HECW2: variants seen among roughly 807,000 people sequenced by gnomAD.
HECW2 encodes HECT, C2 and WW domain containing E3 ubiquitin protein ligase 2.
HECW2 carries 61 observed loss-of-function variants against 175.2 expected under a neutral mutation model. The ratio of observed to expected loss-of-function variants is 0.35; its 90% CI spans 0.28 to 0.43. The LOEUF is 0.43. Among genes scored for constraint, HECW2 ranks in the 20% least tolerant of loss-of-function variants. HECW2 has a pLI of 1.00. For synonymous variants in HECW2, 671 were observed against 731.0 expected (o/e 0.92, Z 1.32); for missense variants, 1,524 against 2,000.5 (o/e 0.76, Z 4.54).
chr2:196,389,820 T>G (rs1049353552), intron 2 of HECW2, among the ~76,000 whole-genome samples: 1 of 152,120 alleles, frequency 6.6e-6, no homozygotes, highest in Non-Finnish European at 1.5e-5. Flanking sequence ...TTTAAAGGTT[T>G]CTAGCTAACA....
intron 1 of HECW2, among the ~76,000 whole-genome samples, chr2:196,538,354 T>C (rs918616141): frequency 1.3e-5 from 2 of 152,228 alleles, no homozygotes; most frequent in Admixed American, 1.3e-4. Context: ...CAAGCAGTTC[T>C]GGATCACACT....
intron 10 of HECW2, among the ~76,000 whole-genome samples, chr2:196,313,180 C>CT (rs1348599340): frequency 6.6e-6 from 1 of 152,108 alleles, no homozygotes; most frequent in African/African-American, 2.4e-5. Flanking sequence ...TGGGTTAAGT[C>CT]ACAATTACAC....
intron 1 of HECW2, among the ~76,000 whole-genome samples, chr2:196,537,202 G>T (rs575507277): frequency 1.3e-5 from 2 of 152,088 alleles, no homozygotes; most frequent in Non-Finnish European, 2.9e-5. Context: ...CACTACAATA[G>T]AGTTTCCAGG....
At chr2:196,313,234 G>A (rs1691565757) in intron 10 of HECW2, among the ~76,000 whole-genome samples, 1 of 152,182 alleles carries the variant, frequency 6.6e-6, no homozygotes, top group South Asian at 2.1e-4. Context: ...CAGAGGGGCT[G>A]GGCTGGCGAT....
chr2:196,483,033 T>A (rs1686894005), intron 1 of HECW2, among the ~76,000 whole-genome samples: 1 of 151,536 alleles, frequency 6.6e-6, no homozygotes, highest in Non-Finnish European at 1.5e-5. Flanking sequence ...GAACAAATTA[T>A]TTTCAGACTA....
intron 2 of HECW2, among the ~76,000 whole-genome samples, chr2:196,370,300 G>A (rs1459918163): frequency 2.0e-5 from 3 of 152,154 alleles, no homozygotes. Flanking sequence ...GGCCCAGGCT[G>A]TGTCTAAAAT....
intron 5 of HECW2, among the ~76,000 whole-genome samples, chr2:196,328,913 G>T (rs72923399): frequency 0.051 from 7,799 of 152,020 alleles, 297 homozygotes; most frequent in Non-Finnish European, 0.078. Flanking sequence ...ATATAGGGAT[G>T]TATATTATTG....
At chr2:196,497,591 T>C (rs779598985) in intron 1 of HECW2, among the ~76,000 whole-genome samples, 6 of 152,150 alleles carry the variant, frequency 3.9e-5, no homozygotes, top group Non-Finnish European at 7.3e-5. Flanking sequence ...TTCTCTGACC[T>C]TCTCCTATGT....
intron 1 of HECW2, among the ~76,000 whole-genome samples, chr2:196,511,112 T>C (rs1005965799): frequency 2.0e-5 from 3 of 152,178 alleles, no homozygotes; most frequent in African/African-American, 7.2e-5. Flanking sequence ...ATTACAAGTG[T>C]GCACCAGCAC....
At chr2:196,273,079 T>C (rs1026068410) in intron 16 of HECW2, among the ~76,000 whole-genome samples, 1 of 72,712 alleles carries the variant, frequency 1.4e-5, no homozygotes, top group Non-Finnish European at 3.2e-5. Flanking sequence ...TTTTTTTTTT[T>C]TTTTTTTGAG....
At chr2:196,503,279 C>T (rs1209862414) in intron 1 of HECW2, among the ~76,000 whole-genome samples, 4 of 152,146 alleles carry the variant, frequency 2.6e-5, no homozygotes, top group Non-Finnish European at 5.9e-5. Context: ...TCCTATATCT[C>T]AGAGTGCCAC....
rs769193291 is a variant in HECW2 at position 196,222,229 on chromosome 2, G to A, written c.4128C>T (p.Asn1376=). ...CACACACCTGCCCAAATACTTCTTC[G>A]TTCACAGTGAACGTGAGGTCTAGGA... The part of the protein sequence containing the change: ...HDILDLTFTV[N]EEVFGQITER... The change falls in exon 24 of 29, where the codon AAC becomes AAT. Residue 1376 remains asparagine, a synonymous_variant. Transcript: ENST00000644978. 27 of 1,613,204 alleles carry A rather than the reference G, an allele frequency of 1.7e-5. No individual in the cohort carries two copies. Among genetic ancestry groups the A allele is most frequent in the East Asian group, 1.6e-4 (7 of 44,874 alleles).
intron 1 of HECW2, among the ~76,000 whole-genome samples, chr2:196,490,998 G>A (rs1316804963): frequency 6.6e-6 from 1 of 152,086 alleles, no homozygotes; most frequent in Admixed American, 6.6e-5. Flanking sequence ...ATTTTACTGT[G>A]GTGATGAAAA....
At chr2:196,578,566 T>C (rs980343527) in intron 1 of HECW2, among the ~76,000 whole-genome samples, 1 of 152,104 alleles carries the variant, frequency 6.6e-6, no homozygotes, top group Non-Finnish European at 1.5e-5. Context: ...AGGTACATCA[T>C]AGTCAAAATG....
intron 2 of HECW2, among the ~76,000 whole-genome samples, chr2:196,408,806 G>C (rs549660988): frequency 1.6e-4 from 24 of 152,210 alleles, no homozygotes; most frequent in Admixed American, 1.6e-3. Flanking sequence ...ATTAGGATCT[G>C]AGGAATGCTG....
chr2:196,201,409 A>G (rs770902931), intron 28 of HECW2, 21 bp from the exon 29 acceptor site: 3 of 1,548,334 alleles, frequency 1.9e-6, no homozygotes, highest in Non-Finnish European at 2.7e-6. Context: ...AAGAAACAGC[A>G]CATAGTTTAG....
intron 2 of HECW2, among the ~76,000 whole-genome samples, chr2:196,346,698 C>T (rs1692965614): frequency 6.6e-6 from 1 of 152,030 alleles, no homozygotes; most frequent in South Asian, 2.1e-4. Context: ...GTTCATAGGC[C>T]ATGTAGAAAA....
chr2:196,256,574 A>G (rs1320632575), intron 18 of HECW2, among the ~76,000 whole-genome samples: 1 of 152,218 alleles, frequency 6.6e-6, no homozygotes, highest in Non-Finnish European at 1.5e-5. Flanking sequence ...CTAATTCCCA[A>G]AGCAGAATTC....
chr2:196,415,195 A>T (rs1454655362), intron 2 of HECW2, among the ~76,000 whole-genome samples: 1 of 152,182 alleles, frequency 6.6e-6, no homozygotes, highest in Non-Finnish European at 1.5e-5. Flanking sequence ...TATCTTTGTC[A>T]AAAACATATA....
Sources: gnomAD v4.1 joint callset for allele counts (sites outside exome capture counted in the v4.1 genomes callset) on GRCh38, gnomAD v4.1.1 for gene constraint, MANE v1.5 for transcripts, NCBI Gene and HGNC (gene_info 2026-07-23, HGNC 2026-07-21) for gene names.